Variants in LTBP1 observed in about 807,000 individuals in gnomAD.
LTBP1 encodes the protein latent transforming growth factor beta binding protein 1, also known as latent-transforming growth factor beta-binding protein 1.
In LTBP1, 129 loss-of-function variants were observed where a neutral mutation model predicts 207.6. The observed-to-expected ratio is 0.62, with a 90% CI of 0.54 to 0.72. The LOEUF is 0.72. LTBP1 is among the 30% of genes least tolerant of loss of function. The probability of loss-of-function intolerance (pLI) is 0.00; values close to 1 mark genes in which losing one functional copy is unlikely to be tolerated. For synonymous variants in LTBP1, 963 were observed against 833.7 expected (o/e 1.16, Z -2.67); for missense variants, 2,281 against 2,217.2 (o/e 1.03, Z -0.58).
intron 4 of LTBP1, among the ~76,000 whole-genome samples, chr2:33,111,382 C>A (rs980732866): frequency 1.3e-5 from 2 of 152,174 alleles, no homozygotes; most frequent in Admixed American, 6.5e-5. Context: ...CTGGAGAAAA[C>A]GTTCTGGAGT....
intron 23 of LTBP1, among the ~76,000 whole-genome samples, chr2:33,309,949 CTT>C (rs397984258): frequency 9.5e-5 from 13 of 136,352 alleles, no homozygotes; most frequent in Non-Finnish European, 9.4e-5. Flanking sequence ...CCCGCCATTG[CTT>C]TTTTTTTTTT....
chr2:33,289,072 A>C (rs941872807), intron 19 of LTBP1, among the ~76,000 whole-genome samples: 1 of 152,232 alleles, frequency 6.6e-6, no homozygotes, highest in Non-Finnish European at 1.5e-5. Flanking sequence ...TACAGTGATT[A>C]GATGAGTAGA....
chr2:33,102,009 T>C (rs2079767633), intron 3 of LTBP1, among the ~76,000 whole-genome samples: 1 of 152,156 alleles, frequency 6.6e-6, no homozygotes, highest in African/African-American at 2.4e-5. Flanking sequence ...AGAGGATATG[T>C]CTTGTGTCCA....
At chr2:32,960,602 T>C (rs1370337765) in intron 2 of LTBP1, among the ~76,000 whole-genome samples, 1 of 152,196 alleles carries the variant, frequency 6.6e-6, no homozygotes, top group African/African-American at 2.4e-5. Flanking sequence ...TATGATTTTT[T>C]TTCCCTCTAA....
chr2:33,170,587 GACAA>G (rs2085343229), intron 5 of LTBP1, among the ~76,000 whole-genome samples: 1 of 152,036 alleles, frequency 6.6e-6, no homozygotes, highest in Non-Finnish European at 1.5e-5. Context: ...GCAGGGCACA[GACAA>G]ACAAAAAGAC....
intron 5 of LTBP1, among the ~76,000 whole-genome samples, chr2:33,140,184 C>A (rs2082520733): frequency 6.6e-6 from 1 of 152,160 alleles, no homozygotes; most frequent in Non-Finnish European, 1.5e-5. Flanking sequence ...AGAGCAGAAG[C>A]AGTTCGTGCT....
chr2:33,278,345 A>G (rs114903234), intron 18 of LTBP1, among the ~76,000 whole-genome samples: 4 of 152,226 alleles, frequency 2.6e-5, no homozygotes, highest in Non-Finnish European at 4.4e-5. Flanking sequence ...TTCTATCCCC[A>G]TGAAAAGTCT....
In LTBP1 at chr2:33,275,022, C is replaced by T; in HGVS notation, c.2801C>T (p.Thr934Ile). 6.2e-7 allele frequency: 1 copy of T among 1,614,066 alleles called. No homozygotes were observed. The highest frequency in any genetic ancestry group is 8.5e-7 in the Non-Finnish European group (1 of 1,179,984). ...HLCSQGRCEN[T>I]EGSFLCICPA... ...TGCTCCCAGGGCCGCTGTGAAAACA[C>T]CGAGGGAAGTTTCTTGTGCATTTGC... is the stretch of plus-strand genomic sequence containing the variant. Residue 934 changes from threonine (T) to isoleucine (I), a missense_variant, in exon 17 of 34, where the codon ACC becomes ATC. By Grantham distance (89) the Thr-to-Ile change is moderately conservative. Coordinates refer to ENST00000404816, the MANE Select transcript of LTBP1 (RefSeq NM_206943.4).
In LTBP1 at chr2:33,312,712, A is replaced by G. The variant is rs531316781; in HGVS notation, c.3605-2432A>G. On this transcript the variant is annotated intron_variant, in intron 23 of 33. Coordinates refer to ENST00000404816, the MANE Select transcript of LTBP1 (RefSeq NM_206943.4). ...AAAAAAAGTCTAGGAATTCATCTTC[A>G]GTTCCCGTCATCAAACTTTTTAGAC... Among the ~76,000 whole-genome samples the G allele has an allele frequency of 2.6e-5, 4 of 152,194 alleles. No homozygotes were observed. In the South Asian group the frequency reaches 8.3e-4, roughly 32 times the overall value.
At chr2:33,145,936 A>G (rs1215965563) in intron 5 of LTBP1, among the ~76,000 whole-genome samples, 1 of 152,224 alleles carries the variant, frequency 6.6e-6, no homozygotes, top group Non-Finnish European at 1.5e-5. Flanking sequence ...CTGTTCATAC[A>G]GTAATTATCA....
chr2:33,100,063 A>T (rs1356877839), intron 3 of LTBP1, among the ~76,000 whole-genome samples: 1 of 152,208 alleles, frequency 6.6e-6, no homozygotes, highest in East Asian at 1.9e-4. Flanking sequence ...GGGAGTGAGC[A>T]AAATTAGGCA....
intron 2 of LTBP1, among the ~76,000 whole-genome samples, chr2:32,989,083 A>C (rs1345142395): frequency 2.0e-5 from 3 of 152,188 alleles, no homozygotes; most frequent in African/African-American, 7.2e-5. Flanking sequence ...GATGACAACA[A>C]AGCATTGGAA....
intron 11 of LTBP1, among the ~76,000 whole-genome samples, chr2:33,256,467 T>C (rs1484426758): frequency 6.6e-6 from 1 of 151,932 alleles, no homozygotes; most frequent in Non-Finnish European, 1.5e-5. Flanking sequence ...CTCATTTCCC[T>C]GAATAGTGAT....
At chr2:33,228,697 CTTTTTTTTTT>C (rs1244221993) in intron 9 of LTBP1, among the ~76,000 whole-genome samples, 1 of 99,060 alleles carries the variant, frequency 1.0e-5, no homozygotes, top group Admixed American at 1.3e-4. Context: ...GGGTTATACC[CTTTTTTTTTT>C]TTTTTTTTTT....
chr2:33,348,383 G>A (rs1246756088), intron 26 of LTBP1, among the ~76,000 whole-genome samples: 1 of 152,172 alleles, frequency 6.6e-6, no homozygotes, highest in Admixed American at 6.5e-5. Flanking sequence ...GAAAGGTGAA[G>A]GGTATAGAAT....
At chr2:33,035,498 T>A (rs1176338933) in intron 3 of LTBP1, among the ~76,000 whole-genome samples, 1 of 152,234 alleles carries the variant, frequency 6.6e-6, no homozygotes, top group Non-Finnish European at 1.5e-5. Flanking sequence ...GGAGTGATGG[T>A]GAGGTGGACA....
intron 9 of LTBP1, among the ~76,000 whole-genome samples, chr2:33,239,261 G>A (rs768049364): frequency 1.1e-4 from 17 of 152,294 alleles, no homozygotes; most frequent in Middle Eastern, 3.4e-3. Flanking sequence ...ACATGGGTCC[G>A]TATGAATTTC....
intron 5 of LTBP1, among the ~76,000 whole-genome samples, chr2:33,150,011 C>G (rs1338310704): frequency 1.3e-5 from 2 of 152,152 alleles, no homozygotes; most frequent in African/African-American, 4.8e-5. Flanking sequence ...ACTATTCAAG[C>G]ATTAAAAGTC....
chr2:33,379,426 G>A (rs2095187040), intron 31 of LTBP1, among the ~76,000 whole-genome samples: 1 of 152,028 alleles, frequency 6.6e-6, no homozygotes, highest in South Asian at 2.1e-4. Context: ...AGCCAGGATG[G>A]TCTCAATCTC....
Sources: gnomAD v4.1 joint callset for allele counts (sites outside exome capture counted in the v4.1 genomes callset) on GRCh38, gnomAD v4.1.1 for gene constraint, MANE v1.5 for transcripts, NCBI Gene and HGNC (gene_info 2026-07-23, HGNC 2026-07-21) for gene names.